The following KMT2D variants were observed in gnomAD, a reference collection of about 807,000 sequenced individuals.
The protein encoded by KMT2D is histone-lysine N-methyltransferase 2D.
KMT2D carries 55 observed loss-of-function variants against 512.7 expected under a neutral mutation model. That is an observed-to-expected ratio of 0.11 (90% CI 0.09 to 0.13). KMT2D has a LOEUF of 0.13. Ranked by LOEUF, KMT2D falls within the 10% of genes least tolerant of loss-of-function variation. The probability of loss-of-function intolerance (pLI) is 1.00; values close to 1 mark genes in which losing one functional copy is unlikely to be tolerated. For synonymous variants in KMT2D, 2,995 were observed against 2,904.0 expected (o/e 1.03, Z -1.01); for missense variants, 6,061 against 7,127.9 (o/e 0.85, Z 5.39).
chr12:49,055,360 A>G lies in KMT2D; in HGVS notation c.-36T>C. The G allele has an allele frequency of 6.3e-7, 1 of 1,598,120 alleles. No individual in the cohort carries two copies. Among genetic ancestry groups the G allele is most frequent in the Admixed American group, 1.7e-5 (1 of 57,928 alleles). ...GACTGGGCAGGGCCCTCTCGGGGAGACCTGTTGGTGCCAAGAAAGAGATCT... is the reference window on the plus strand; with the variant it reads ...GACTGGGCAGGGCCCTCTCGGGGAGGCCTGTTGGTGCCAAGAAAGAGATCT... On this transcript the variant is annotated splice_region_variant and 5_prime_UTR_variant, in exon 2 of 55. Transcript: ENST00000301067.
rs1458256405 is a variant in KMT2D at position 49,037,406 on chromosome 12, A to C, written c.9950T>G (p.Leu3317Arg). 35 of 1,604,432 alleles carry C rather than the reference A, an allele frequency of 2.2e-5. No homozygotes were observed. Among genetic ancestry groups the C allele is most frequent in the Non-Finnish European group, 2.9e-5 (34 of 1,175,936 alleles). The change falls in exon 35 of 55, where the codon CTT (leucine) becomes CGT (arginine). Residue 3317 changes from leucine (L) to arginine (R), a missense_variant. Leu to Arg is a moderately radical substitution (Grantham distance 102). Transcript: ENST00000301067. ...AGSQQQLSLG[L>R]AGARQPGLPQ... ...CAAACCTGGCTGTCGGGCACCTGCAAGACCCAGGGAAAGCTGCTGTTGGGA... is the reference window on the plus strand; with the variant it reads ...CAAACCTGGCTGTCGGGCACCTGCACGACCCAGGGAAAGCTGCTGTTGGGA...
At position 49,026,505 on chromosome 12, in the gene KMT2D, C is replaced by A. The variant is rs886043497; in HGVS notation, c.15461G>T (p.Arg5154Leu). The A allele has an allele frequency of 6.2e-7, 1 of 1,613,910 alleles. No individual in the cohort carries two copies. The highest frequency in any genetic ancestry group is 8.5e-7 in the Non-Finnish European group (1 of 1,179,884). ...QELSSFAVFRRVYIERDEVKQ... is the reference protein window; with the variant it reads ...QELSSFAVFRLVYIERDEVKQ... ...CACCTCGTCCCGCTCAATGTAGACC[C>A]GCCGGAAGACAGCAAAAGAGCTCAG... Residue 5154 changes from arginine to leucine, a missense_variant, in exon 49 of 55, where the codon CGG becomes CTG. By Grantham distance (102) the Arg-to-Leu change is moderately radical. Transcript: ENST00000301067. This position sits in a 1 kb window ranked among gnomAD's most constrained non-coding sequence, Gnocchi z 9.6.
rs938203622 is a variant in KMT2D at position 49,040,785 on chromosome 12, C to T, written c.6985G>A (p.Ala2329Thr). ...LELKTPDVFK[A>T]PLTPRASQVE... ...TGAGATGCCCGAGGGGTCAGGGGGG[C>T]TTTGAAGACATCAGGTGTCTTTAAC... is the stretch of plus-strand genomic sequence containing the variant. The change falls in exon 32 of 55, where the codon GCC becomes ACC. Residue 2329 changes from alanine to threonine, a missense_variant. By Grantham distance (58) the Ala-to-Thr change is moderately conservative (BLOSUM62 0). This residue lies in a region of KMT2D where 710 missense variants were observed against 647.3 expected (regional missense o/e 1.10). Coordinates refer to ENST00000301067, the MANE Select transcript of KMT2D (RefSeq NM_003482.4). 4.3e-6 allele frequency: 7 copies of T among 1,613,478 alleles called. No individual in the cohort carries two copies. In the African/African-American group the frequency reaches 9.4e-5, roughly 22 times the overall value.
Position 49,053,285 on chromosome 12 carries a change from C to T in KMT2D, c.876G>A (p.Glu292=). Residue 292 remains glutamate, a synonymous_variant, in exon 8 of 55, where the codon GAG becomes GAA. Coordinates refer to ENST00000301067, the MANE Select transcript of KMT2D (RefSeq NM_003482.4). The stretch of plus-strand genomic sequence containing the variant: ...AAGTATGGTATCCTTTGTCACACGT[C>T]TCACAAACCAACATCTTAGAGTCAT... ...PGNDSKMLVC[E]TCDKGYHTFC... The T allele has an allele frequency of 6.2e-7, 1 of 1,614,018 alleles. No homozygotes were observed. The highest frequency in any genetic ancestry group is 1.3e-5 in the African/African-American group (1 of 75,064).
At position 49,024,213 on chromosome 12, in the gene KMT2D, C is replaced by T. The variant is rs756308725; in HGVS notation, c.16052+365G>A. On this transcript the variant is annotated intron_variant, in intron 51 of 54. Coordinates refer to ENST00000301067, the MANE Select transcript of KMT2D (RefSeq NM_003482.4). The surrounding 1 kb of genome is among the most constrained non-coding windows in gnomAD (Gnocchi z 4.5). The stretch of plus-strand genomic sequence containing the variant: ...ACACTCATGGGGAAGGGAAGGTGAC[C>T]CTAGCACCCATGGGGTATCTGAGGT... 1 of 425,758 alleles carries T rather than the reference C, an allele frequency of 2.3e-6. No homozygotes were observed. The highest frequency in any genetic ancestry group is 2.0e-5 in the African/African-American group (1 of 48,912). 26.4% of individuals were successfully genotyped at this position (425,758 alleles called of 1,614,324 possible).
rs1937793729 is a variant in KMT2D, at chr12:49,049,577, A to G, written c.3906+105T>C. On this transcript the variant is annotated intron_variant, in intron 12 of 54. Coordinates refer to ENST00000301067, the MANE Select transcript of KMT2D (RefSeq NM_003482.4). Reference sequence around the variant, plus strand: ...TAATAACTGGAATAAAGGATCTCCAAGTCTAGGATTCACAAAGCAAGGTGG... The same window carrying G: ...TAATAACTGGAATAAAGGATCTCCAGGTCTAGGATTCACAAAGCAAGGTGG... The G allele has an allele frequency of 9.5e-6, 12 of 1,257,740 alleles. No homozygotes were observed. The South Asian group carries it at 2.1e-4, about 22-fold the overall frequency. 77.9% of individuals were successfully genotyped at this position (1,257,740 alleles called of 1,614,324 possible). A position where few individuals can be genotyped will look rare whatever the true frequency, so the allele number is the denominator to read the frequency against.
Position 49,037,199 on chromosome 12 carries a change from G to A in KMT2D, c.10157C>T (p.Pro3386Leu), listed in dbSNP as rs2120475510. Residue 3386 changes from proline to leucine, a missense_variant, in exon 35 of 55, where the codon CCA (proline) becomes CTA (leucine). By Grantham distance (98) the Pro-to-Leu change is moderately conservative. Coordinates refer to ENST00000301067, the MANE Select transcript of KMT2D (RefSeq NM_003482.4). The part of the protein sequence containing the change: ...VLSQKPMGTM[P>L]PSMCMKPQQL... The stretch of plus-strand genomic sequence containing the variant: ...CTGCGGCTTCATGCACATGGAAGGT[G>A]GCATGGTGCCCATGGGCTTCTGTGA... The A allele has an allele frequency of 6.2e-7, 1 of 1,609,466 alleles. No homozygotes were observed.
Position 49,041,549 on chromosome 12 carries a change from C to T in KMT2D, c.6235-14G>A, listed in dbSNP as rs2120548756. ...GCTCTCAGCCTGCTACAGGGGGAGA[C>T]CAGGCATAGGGCAGTCAGGCTGCTG... On this transcript the variant is annotated splice_polypyrimidine_tract_variant and intron_variant, in intron 31 of 54. Coordinates refer to ENST00000301067, the MANE Select transcript of KMT2D (RefSeq NM_003482.4). This position sits in a 1 kb window ranked among gnomAD's most constrained non-coding sequence, Gnocchi z 5.4. 1 of 1,613,034 alleles carries T rather than the reference C, an allele frequency of 6.2e-7. No homozygotes were observed. The highest frequency in any genetic ancestry group is 8.5e-7 in the Non-Finnish European group (1 of 1,179,432).
Position 49,051,396 on chromosome 12 carries a change from G to C in KMT2D, c.2287C>G (p.Pro763Ala), listed in dbSNP as rs1239691780. The change falls in exon 11 of 55, where the codon CCG becomes GCG. Residue 763 changes from proline to alanine, a missense_variant. Coordinates refer to ENST00000301067, the MANE Select transcript of KMT2D (RefSeq NM_003482.4). ...SPRPEEPHLS[P>A]QAEEPHLSPQ... ...GACAGGTGTGGCTCCTCAGCCTGCG[G>C]AGATAGGTGTGGCTCCTCAGGCCGG... 6.2e-7 allele frequency: 1 copy of C among 1,610,192 alleles called. No individual in the cohort carries two copies. Among genetic ancestry groups the C allele is most frequent in the African/African-American group, 1.4e-5 (1 of 73,146 alleles).
chr12:49,049,826 C>A lies in KMT2D; in HGVS notation c.3762G>T (p.Glu1254Asp). ...AGTCAGTACAGAGCCGTAGGGAGCC[C>A]TCATCTCGGGCTGGACTAACATCCG... ...VSTDVSPARD[E>D]GSLRLCTDSL... Residue 1254 changes from glutamate (E) to aspartate (D), a missense_variant, in exon 12 of 55, where the codon GAG (glutamate) becomes GAT (aspartate). Physicochemically the swap from Glu to Asp is conservative, Grantham distance 45. Around this residue, in one of 16 missense-constraint regions of KMT2D, gnomAD observed 447 missense variants for 500.1 expected, o/e 0.89. Transcript: ENST00000301067. 6.2e-7 allele frequency: 1 copy of A among 1,613,966 alleles called. No homozygotes were observed. The highest frequency in any genetic ancestry group is 8.5e-7 in the Non-Finnish European group (1 of 1,179,890).
At position 49,054,775 on chromosome 12, in the gene KMT2D, C is replaced by G. The variant is rs2120714156; in HGVS notation, c.177-24G>C. The G allele has an allele frequency of 6.2e-7, 1 of 1,609,444 alleles. No homozygotes were observed. Among genetic ancestry groups the G allele is most frequent in the Non-Finnish European group, 8.5e-7 (1 of 1,176,026 alleles). On this transcript the variant is annotated intron_variant, in intron 3 of 54. Coordinates refer to ENST00000301067, the MANE Select transcript of KMT2D (RefSeq NM_003482.4). The surrounding 1 kb of genome is among the most constrained non-coding windows in gnomAD (Gnocchi z 6.4). ...CACTGTGGACACACAAGCATCAGTA[C>G]CACGCCAGGCCCCCAGCAACCCCAT...
At chr12:49,056,540 T>G (rs1938421775) in intron 1 of KMT2D, among the ~76,000 whole-genome samples, 1 of 152,174 alleles carries the variant, frequency 6.6e-6, no homozygotes, top group Non-Finnish European at 1.5e-5. Flanking sequence ...TGTTAGCAGC[T>G]TGTAGTGGGA....
Position 49,043,912 on chromosome 12 carries a change from G to A in KMT2D, c.5275C>T (p.Arg1759Cys), listed in dbSNP as rs1565802308. The A allele has an allele frequency of 3.7e-6, 6 of 1,614,038 alleles. No homozygotes were observed. Among genetic ancestry groups the A allele is most frequent in the African/African-American group, 1.3e-5 (1 of 75,052 alleles). Residue 1759 changes from arginine to cysteine, a missense_variant, in exon 23 of 55, where the codon CGC becomes TGC. This residue lies in a region of KMT2D where 640 missense variants were observed against 814.3 expected (regional missense o/e 0.79). Transcript: ENST00000301067. ...DEKKKQQRRG[R>C]KKSKLEDMFP... The stretch of plus-strand genomic sequence containing the variant: ...ATGTCCTCCAGTTTGCTCTTCTTGC[G>A]CCCTCGCCGCTGTTGCTTCTTCTTC...
At chr12:49,025,118 A>C (rs540171150) in intron 49 of KMT2D, among the ~76,000 whole-genome samples, 172 bp from the exon 50 acceptor site, 2 of 152,260 alleles carry the variant, frequency 1.3e-5, no homozygotes, top group South Asian at 2.1e-4. Context: ...CTCTCTTAAG[A>C]AGCAGGAGGT....
Position 49,030,381 on chromosome 12 carries a change from G to A in KMT2D, c.13898C>T (p.Ser4633Leu), listed in dbSNP as rs373146997. 6 of 1,551,048 alleles carry A rather than the reference G, an allele frequency of 3.9e-6. No homozygotes were observed. Among genetic ancestry groups the A allele is most frequent in the Non-Finnish European group, 4.4e-6 (5 of 1,131,510 alleles). ...PSSLPPTPPPSVQQKMVNGVT... is the reference protein window; with the variant it reads ...PSSLPPTPPPLVQQKMVNGVT... The stretch of plus-strand genomic sequence containing the variant: ...GCCATTCACCATCTTCTGCTGCACC[G>A]ATGGGGGTGGGGTGGGGGGCAGCGA... Residue 4633 changes from serine (S) to leucine (L), a missense_variant, in exon 43 of 55, where the codon TCG becomes TTG. By Grantham distance (145) the Ser-to-Leu change is moderately radical (BLOSUM62 -2). Coordinates refer to ENST00000301067, the MANE Select transcript of KMT2D (RefSeq NM_003482.4).
intron 1 of KMT2D, among the ~76,000 whole-genome samples, chr12:49,059,201 G>A (rs887956270): frequency 2.0e-5 from 3 of 152,080 alleles, no homozygotes; most frequent in Non-Finnish European, 4.4e-5. Context: ...AGTCTGACCT[G>A]GCAGTGACAC....
Position 49,051,472 on chromosome 12 carries a change from C to A in KMT2D, c.2211G>T (p.Arg737=), listed in dbSNP as rs2120670614. 1 of 1,613,314 alleles carries A rather than the reference C, an allele frequency of 6.2e-7. No homozygotes were observed. Among genetic ancestry groups the A allele is most frequent in the Non-Finnish European group, 8.5e-7 (1 of 1,179,654 alleles). The change falls in exon 11 of 55, where the codon CGG becomes CGT. Residue 737 remains arginine (R), a synonymous_variant. Coordinates refer to ENST00000301067, the MANE Select transcript of KMT2D (RefSeq NM_003482.4). ...PLPEEPQLCP[R]SEGPHLSPRP... ...GGGGTGACAGGTGCGGCCCCTCGGA[C>A]CGGGGGCAGAGTTGCGGCTCCTCAG...
intron 43 of KMT2D, among the ~76,000 whole-genome samples, chr12:49,029,837 CT>C (rs1335901973): frequency 6.6e-6 from 1 of 152,088 alleles, no homozygotes; most frequent in African/African-American, 2.4e-5. Context: ...TAGATATACT[CT>C]TTGGAGTTTG....
chr12:49,032,891 CTGCTGCTGTTGCTGCTGT>C lies in KMT2D; in HGVS notation c.11796_11813del (p.Gln3934_Gln3939del), dbSNP rs759803583. On this transcript the variant is annotated inframe_deletion, in exon 40 of 55. Transcript: ENST00000301067. ...GTTGCTGCTGCTGTTGTTGAAGCTG[CTGCTGCTGTTGCTGCTGT>C]TGAAGCTGTTGCTGCTGAAGTTGCT... The C allele has an allele frequency of 3.2e-6, 5 of 1,549,950 alleles. No homozygotes were observed. The East Asian group carries it at 1.2e-4, about 38-fold the overall frequency.
Sources: gnomAD v4.1 joint callset for allele counts (sites outside exome capture counted in the v4.1 genomes callset) on GRCh38, gnomAD v4.1.1 for gene constraint, gnomAD v4.1.1 regional missense constraint, Gnocchi (gnomAD v3.1) non-coding constraint, MANE v1.5 for transcripts, NCBI Gene and HGNC (gene_info 2026-07-23, HGNC 2026-07-21) for gene names.